The following ZNG1A variants were observed in gnomAD, a reference collection of about 807,000 sequenced individuals.
The protein encoded by ZNG1A is Zn regulated GTPase metalloprotein activator 1A, also known as zinc-regulated GTPase metalloprotein activator 1A.
At chr9:177,804 G>A in the ZNG1A span, 3 of 1,506,870 alleles carry the variant, frequency 2.0e-6, no homozygotes, top group Non-Finnish European at 2.7e-6. Flanking sequence ...CTTCTCAGCA[G>A]AGCAGCCTCT....
At chr9:172,847 G>C in the ZNG1A span, 1 of 245,248 alleles carries the variant, frequency 4.1e-6, no homozygotes. Flanking sequence ...TAGGGTCTAT[G>C]GTAGACTAGT....
chr9:166,871 G>A, the ZNG1A span: 1 of 151,898 alleles, frequency 6.6e-6, no homozygotes, highest in African/African-American at 2.4e-5. Context: ...GAATACATAC[G>A]AACAACAAAA....
chr9:144,517 C>T, the ZNG1A span, among the ~76,000 whole-genome samples: 2 of 152,074 alleles, frequency 1.3e-5, no homozygotes, highest in Non-Finnish European at 2.9e-5. Context: ...AACCAGATCC[C>T]TTCCTTACAC....
the ZNG1A span, chr9:148,240 C>G: frequency 9.6e-6 from 1 of 104,038 alleles, no homozygotes; most frequent in African/African-American, 3.4e-5. Context: ...GTGACAGTGT[C>G]CTTGAGAATA....
chr9:168,403 C>T, the ZNG1A span, among the ~76,000 whole-genome samples: 1 of 151,904 alleles, frequency 6.6e-6, no homozygotes, highest in African/African-American at 2.4e-5. Flanking sequence ...CAGGCTCCCA[C>T]CACCAAGCCA....
At chr9:126,558 C>T in the ZNG1A span, among the ~76,000 whole-genome samples, 6 of 152,066 alleles carry the variant, frequency 3.9e-5, no homozygotes, top group African/African-American at 9.6e-5. Context: ...TAATATCTCC[C>T]GTTTCATTTC....
chr9:127,176 G>C, the ZNG1A span, among the ~76,000 whole-genome samples: 4 of 152,152 alleles, frequency 2.6e-5, no homozygotes, highest in African/African-American at 7.2e-5. Flanking sequence ...GGAATATTCT[G>C]TATATATCTT....
At chr9:172,413 A>C in the ZNG1A span, 27 of 398,884 alleles carry the variant, frequency 6.8e-5, no homozygotes, top group Admixed American at 2.9e-4. Context: ...TCAAAATTAA[A>C]AGCAGAGGAA....
chr9:172,004 T>G, the ZNG1A span: 3 of 1,602,426 alleles, frequency 1.9e-6, no homozygotes, highest in African/African-American at 4.0e-5. Context: ...AATCCTCATT[T>G]TAGATATTCC....
the ZNG1A span, among the ~76,000 whole-genome samples, chr9:158,438 T>C: frequency 6.6e-6 from 1 of 151,160 alleles, no homozygotes; most frequent in Non-Finnish European, 1.5e-5. Context: ...TATTATATTA[T>C]TGACCTTATG....
At chr9:123,918 C>A in the ZNG1A span, among the ~76,000 whole-genome samples, 5 of 151,426 alleles carry the variant, frequency 3.3e-5, no homozygotes, top group Non-Finnish European at 7.4e-5. Flanking sequence ...AAATAAGGGT[C>A]AAAAAAATAA....
At chr9:173,680 T>C in the ZNG1A span, among the ~76,000 whole-genome samples, 3 of 152,112 alleles carry the variant, frequency 2.0e-5, no homozygotes, top group African/African-American at 7.2e-5. Context: ...TTTTTTCTTG[T>C]CCAGGGTAAA....
At chr9:146,282 T>A in the ZNG1A span, 1 of 988,774 alleles carries the variant, frequency 1.0e-6, no homozygotes, top group Non-Finnish European at 1.5e-6. Context: ...GCAAATGGTG[T>A]AAGATTTGAA....
chr9:141,777 G>A, the ZNG1A span, among the ~76,000 whole-genome samples: 2 of 152,096 alleles, frequency 1.3e-5, no homozygotes, highest in African/African-American at 2.4e-5. Context: ...ACCCATCAGT[G>A]TGCTGTATTC....
the ZNG1A span, among the ~76,000 whole-genome samples, chr9:138,743 T>TAA: frequency 3.2e-4 from 42 of 129,976 alleles, no homozygotes; most frequent in East Asian, 2.5e-3. Context: ...TACAGAAAAT[T>TAA]AAAAAAAAAA....
the ZNG1A span, chr9:151,270 C>T: frequency 1.0e-6 from 1 of 982,206 alleles, no homozygotes; most frequent in East Asian, 1.1e-4. Context: ...TCTGGCAGCA[C>T]CTCTAATCTC....
the ZNG1A span, among the ~76,000 whole-genome samples, chr9:174,149 A>AC: frequency 6.6e-6 from 1 of 151,362 alleles, no homozygotes; most frequent in Non-Finnish European, 1.5e-5. Flanking sequence ...TCCATCTCAA[A>AC]AAAAAAAAAA....
chr9:145,514 C>T, the ZNG1A span, among the ~76,000 whole-genome samples: 2 of 126,444 alleles, frequency 1.6e-5, no homozygotes, highest in East Asian at 2.4e-4. Context: ...CACATGGACA[C>T]AGGAAGGGGA....
chr9:145,232 T>G, the ZNG1A span, among the ~76,000 whole-genome samples: 1 of 151,808 alleles, frequency 6.6e-6, no homozygotes, highest in Admixed American at 6.6e-5. Flanking sequence ...CATGCTGCTA[T>G]AAAGACACAT....
Sources: allele counts gnomAD v4.1 joint callset (sites outside exome capture counted in the v4.1 genomes callset), GRCh38; gene constraint gnomAD v4.1.1; transcripts MANE v1.5; gene names NCBI Gene and HGNC (gene_info 2026-07-23, HGNC 2026-07-21).